CDCA2: variants seen among roughly 807,000 people sequenced by gnomAD.
CDCA2 encodes cell division cycle associated 2, also known as cell division cycle-associated protein 2.
In CDCA2, 44 loss-of-function variants were observed where a neutral mutation model predicts 67.0. That is an observed-to-expected ratio of 0.66 (90% confidence interval 0.52 to 0.84). The LOEUF (loss-of-function observed/expected upper bound fraction) is 0.84, where lower values mean the gene tolerates loss of function less well. Among genes scored for constraint, CDCA2 ranks in the 40% least tolerant of loss-of-function variants. The pLI is 0.00. For synonymous variants in CDCA2, 447 were observed against 418.7 expected, an observed-to-expected ratio of 1.07 and a Z score of -0.82; for missense variants, 1,253 against 1,203.2, an observed-to-expected ratio of 1.04 and a Z score of -0.61.
At chr8:25,489,536 C>A (rs1409936747) in intron 13 of CDCA2, among the ~76,000 whole-genome samples, 1 of 152,182 alleles carries the variant, frequency 6.6e-6, no homozygotes, top group East Asian at 1.9e-4. Flanking sequence ...TCTGACATAG[C>A]CCCTAGAGAC....
chr8:25,468,041 C>T (rs1411064627), intron 5 of CDCA2, among the ~76,000 whole-genome samples, 176 bp from the exon 6 acceptor site: 1 of 144,066 alleles, frequency 6.9e-6, no homozygotes, highest in Non-Finnish European at 1.5e-5. Context: ...TCACTTGAGC[C>T]CAGAAGGTGG....
chr8:25,471,803 T>C (rs573913006), intron 7 of CDCA2, among the ~76,000 whole-genome samples: 51 of 152,354 alleles, frequency 3.3e-4, no homozygotes, highest in Non-Finnish European at 6.0e-4. Flanking sequence ...ATGTGAAATG[T>C]TGAAATCACA....
chr8:25,469,842 CATT>C lies in CDCA2; in HGVS notation c.736-52_736-50del, dbSNP rs539271312. 2.5e-4 allele frequency: 268 copies of C among 1,080,062 alleles called. 3 individuals are homozygous for C. The South Asian group carries it at 3.5e-3, about 14-fold the overall frequency. The allele number at this position is 1,080,062 out of a possible 1,614,324, so 66.9% of individuals were successfully genotyped here. A position where few individuals can be genotyped will look rare whatever the true frequency, so the allele number is the denominator to read the frequency against. ...ATGTTTACTCAAATCTTCAAAAAGG[CATT>C]AGTAGTACTCTAATTAATAAAATGT... On this transcript the variant is annotated intron_variant, in intron 6 of 14. Coordinates refer to ENST00000330560, the MANE Select transcript of CDCA2 (RefSeq NM_152562.4).
chr8:25,477,665 A>C (rs1009001394), intron 7 of CDCA2, among the ~76,000 whole-genome samples: 1 of 152,228 alleles, frequency 6.6e-6, no homozygotes, highest in Non-Finnish European at 1.5e-5. Flanking sequence ...AAACATTATC[A>C]CATGCTGTTG....
intron 3 of CDCA2, among the ~76,000 whole-genome samples, chr8:25,461,500 C>T (rs1402634465): frequency 6.6e-6 from 1 of 152,158 alleles, no homozygotes; most frequent in East Asian, 1.9e-4. Flanking sequence ...GAAAGTGGCA[C>T]GCCACCCTAA....
chr8:25,477,674 T>C (rs1017766381), intron 7 of CDCA2, among the ~76,000 whole-genome samples: 3 of 152,216 alleles, frequency 2.0e-5, no homozygotes, highest in Admixed American at 6.5e-5. Context: ...CACATGCTGT[T>C]GACTTCAAAT....
chr8:25,478,894 A>ATG (rs1803458049), intron 7 of CDCA2, among the ~76,000 whole-genome samples: 1 of 144,796 alleles, frequency 6.9e-6, no homozygotes, highest in East Asian at 1.9e-4. Context: ...GTGTGTATAT[A>ATG]TATATATATA....
chr8:25,475,786 G>A (rs566897225), intron 7 of CDCA2, among the ~76,000 whole-genome samples: 25 of 152,298 alleles, frequency 1.6e-4, no homozygotes, highest in Admixed American at 7.2e-4. Flanking sequence ...TAGCTGGAAT[G>A]CAGGAAGCCA....
intron 8 of CDCA2, among the ~76,000 whole-genome samples, chr8:25,481,917 AT>A (rs1803587073): frequency 6.6e-6 from 1 of 152,040 alleles, no homozygotes; most frequent in Non-Finnish European, 1.5e-5. Context: ...GATGAAGGAG[AT>A]TTGTTTGGGG....
intron 4 of CDCA2, 119 bp from the exon 5 acceptor site, chr8:25,466,056 G>A (rs765328967): frequency 2.4e-4 from 200 of 836,972 alleles, no homozygotes; most frequent in Non-Finnish European, 1.6e-4. Context: ...ACTCCTTACC[G>A]CTGATCTTCA....
intron 4 of CDCA2, among the ~76,000 whole-genome samples, chr8:25,465,814 G>T (rs1440177868): frequency 6.6e-6 from 1 of 152,170 alleles, no homozygotes; most frequent in Non-Finnish European, 1.5e-5. Flanking sequence ...ACTTACCTGT[G>T]ACACAAGCAC....
intron 13 of CDCA2, among the ~76,000 whole-genome samples, chr8:25,499,294 ATTTTTTTTTTTTTTTT>A (rs34849682): frequency 1.2e-5 from 1 of 83,202 alleles, no homozygotes; most frequent in Non-Finnish European, 2.2e-5. Flanking sequence ...ATGTCCATGA[ATTTTTTTTTTTTTTTT>A]TTTTTTTTTT....
intron 13 of CDCA2, among the ~76,000 whole-genome samples, chr8:25,490,573 C>A (rs916283269): frequency 3.1e-4 from 47 of 151,954 alleles, no homozygotes; most frequent in African/African-American, 1.0e-3. Flanking sequence ...GACCCTGGCC[C>A]AGAATTGGCA....
chr8:25,475,424 CAGG>C (rs1803310809), intron 7 of CDCA2, among the ~76,000 whole-genome samples: 1 of 152,154 alleles, frequency 6.6e-6, no homozygotes, highest in African/African-American at 2.4e-5. Context: ...GAGGCTGAGG[CAGG>C]AGAATTGCTT....
intron 7 of CDCA2, among the ~76,000 whole-genome samples, chr8:25,472,743 C>T (rs182935966): frequency 6.6e-6 from 1 of 152,222 alleles, no homozygotes; most frequent in Non-Finnish European, 1.5e-5. Context: ...CAAACCATAA[C>T]TGTATATATT....
intron 11 of CDCA2, among the ~76,000 whole-genome samples, 160 bp downstream of exon 11, chr8:25,485,997 C>A (rs562140133): frequency 1.3e-5 from 2 of 152,286 alleles, no homozygotes; most frequent in South Asian, 4.1e-4. Flanking sequence ...AGCTATTCAT[C>A]CATCCCTTTT....
intron 6 of CDCA2, among the ~76,000 whole-genome samples, 157 bp downstream of exon 6, chr8:25,468,570 T>C (rs1026705523): frequency 1.4e-5 from 2 of 146,280 alleles, no homozygotes; most frequent in Non-Finnish European, 3.0e-5. Flanking sequence ...TGTGTGTGTG[T>C]GTGTTTCCTA....
Position 25,480,117 on chromosome 8 carries a change from G to A in CDCA2, c.1025G>A (p.Ser342Asn). 1 of 1,613,300 alleles carries A rather than the reference G, an allele frequency of 6.2e-7. No homozygotes were observed. The highest frequency in any genetic ancestry group is 1.3e-5 in the African/African-American group (1 of 75,018). The change falls in exon 8 of 15, where the codon AGC (serine) becomes AAC (asparagine). Residue 342 changes from serine (S) to asparagine (N), a missense_variant. Physicochemically the swap from Ser to Asn is conservative, Grantham distance 46. Coordinates refer to ENST00000330560, the MANE Select transcript of CDCA2 (RefSeq NM_152562.4). ...CCCTCTGTTAAGATGTGTCTAGAGA[G>A]CTTACAGGTAAGAAGAGAGTTAAAT... The part of the protein sequence containing the change: ...KKPSVKMCLE[S>N]LQEHCNNLYD...
chr8:25,487,911 C>T (rs891350190), intron 12 of CDCA2, among the ~76,000 whole-genome samples: 4 of 152,008 alleles, frequency 2.6e-5, no homozygotes, highest in African/African-American at 4.8e-5. Flanking sequence ...TTATGAATTT[C>T]GTTGAGGTGA....
Sources: allele counts gnomAD v4.1 joint callset (sites outside exome capture counted in the v4.1 genomes callset), GRCh38; gene constraint gnomAD v4.1.1; transcripts MANE v1.5; gene names NCBI Gene and HGNC (gene_info 2026-07-23, HGNC 2026-07-21).